ASTN1: variants seen among roughly 807,000 people sequenced by gnomAD.
ASTN1 encodes astrotactin 1.
A neutral mutation model predicts 140.7 loss-of-function variants in ASTN1; 41 were observed. That is an observed-to-expected ratio of 0.29 (90% CI 0.23 to 0.38). The LOEUF is 0.38. Among genes scored for constraint, ASTN1 ranks in the 10% least tolerant of loss-of-function variants. The pLI is 1.00. For synonymous variants in ASTN1, 640 were observed against 652.2 expected (o/e 0.98, Z 0.29); for missense variants, 1,479 against 1,678.8 (o/e 0.88, Z 2.08).
At chr1:176,968,997 T>C (rs227988) in intron 8 of ASTN1, among the ~76,000 whole-genome samples, 119,338 of 152,066 alleles carry the variant, frequency 0.78, 47,221 homozygotes, top group East Asian at 0.89. Flanking sequence ...TAGAAAGCCA[T>C]AGATGGCCAT....
intron 1 of ASTN1, among the ~76,000 whole-genome samples, chr1:177,067,235 C>A (rs1226367961): frequency 6.6e-6 from 1 of 151,982 alleles, no homozygotes; most frequent in African/African-American, 2.4e-5. Context: ...CTTATAACCT[C>A]TATGAAAGAA....
intron 1 of ASTN1, among the ~76,000 whole-genome samples, chr1:177,139,160 G>A (rs1682342335): frequency 6.6e-6 from 1 of 152,114 alleles, no homozygotes; most frequent in Non-Finnish European, 1.5e-5. Context: ...ATCTAAGGAA[G>A]ACAAGGGTGC....
chr1:176,915,458 C>A (rs780408233), intron 16 of ASTN1, among the ~76,000 whole-genome samples: 26 of 152,214 alleles, frequency 1.7e-4, no homozygotes, highest in Non-Finnish European at 3.2e-4. Flanking sequence ...CAAAAGCAGA[C>A]TTTCCCAGCA....
At chr1:177,127,547 T>C (rs1305669158) in intron 1 of ASTN1, among the ~76,000 whole-genome samples, 10 of 152,178 alleles carry the variant, frequency 6.6e-5, no homozygotes, top group African/African-American at 2.4e-4. Flanking sequence ...CCATGCTATC[T>C]TTCCACTCTG....
intron 1 of ASTN1, among the ~76,000 whole-genome samples, chr1:177,145,854 G>T (rs1255943023): frequency 2.0e-5 from 3 of 152,116 alleles, no homozygotes; most frequent in African/African-American, 7.2e-5. Flanking sequence ...GGAATATCAG[G>T]GTCAGTTCCC....
intron 16 of ASTN1, among the ~76,000 whole-genome samples, chr1:176,932,083 T>A (rs183725012): frequency 6.6e-6 from 1 of 152,222 alleles, no homozygotes; most frequent in African/African-American, 2.4e-5. Context: ...CTTTTTCCAT[T>A]TCATTTCACA....
intron 17 of ASTN1, among the ~76,000 whole-genome samples, chr1:176,892,667 C>T (rs749130977): frequency 6.6e-6 from 1 of 152,122 alleles, no homozygotes; most frequent in Non-Finnish European, 1.5e-5. Context: ...TTATTTAGTC[C>T]GACAGGAGGA....
At chr1:177,064,126 T>C (rs1330086569) in intron 1 of ASTN1, among the ~76,000 whole-genome samples, 1 of 152,168 alleles carries the variant, frequency 6.6e-6, no homozygotes, top group Non-Finnish European at 1.5e-5. Flanking sequence ...CAAAGGCTGA[T>C]GTGGATGAAC....
intron 1 of ASTN1, among the ~76,000 whole-genome samples, chr1:177,079,242 A>T (rs1679066141): frequency 6.6e-6 from 1 of 152,014 alleles, no homozygotes; most frequent in African/African-American, 2.4e-5. Flanking sequence ...TGTCTGAGAG[A>T]GTGTTCTGAC....
chr1:176,933,583 C>T (rs2103090615), intron 16 of ASTN1, among the ~76,000 whole-genome samples: 1 of 152,306 alleles, frequency 6.6e-6, no homozygotes, highest in South Asian at 2.1e-4. Flanking sequence ...TGAATACTAA[C>T]TTGCTGTCAA....
Position 177,029,188 on chromosome 1 carries a change from C to T in ASTN1, c.1120+446G>A, listed in dbSNP as rs73045470. 9.7e-3 allele frequency among the ~76,000 whole-genome samples: 1,478 copies of T among 152,290 alleles called. 35 individuals are homozygous for T. The highest frequency in any genetic ancestry group is 0.034 in the African/African-American group (1,393 of 41,556). On this transcript the variant is annotated intron_variant, in intron 5 of 22. Coordinates refer to ENST00000361833, the MANE Select transcript of ASTN1 (RefSeq NM_004319.3). ...AAGACAATTACACAGATTTTCAGGC[C>T]ATAGATCATTCCTCAACTACACTGC...
At chr1:176,859,795 A>C (rs1056503945), downstream of ASTN1, among the ~76,000 whole-genome samples, 2 of 152,240 alleles carry the variant, frequency 1.3e-5, no homozygotes, top group Non-Finnish European at 2.9e-5. Context: ...ACAAACAAGC[A>C]AACAAACAAA....
At chr1:177,078,847 G>C (rs531925678) in intron 1 of ASTN1, among the ~76,000 whole-genome samples, 1 of 152,190 alleles carries the variant, frequency 6.6e-6, no homozygotes, top group South Asian at 2.1e-4. Context: ...CAGCAATAAT[G>C]AGGAAGGAAA....
chr1:177,026,245 T>C (rs929936843), intron 5 of ASTN1, among the ~76,000 whole-genome samples: 3 of 152,148 alleles, frequency 2.0e-5, no homozygotes, highest in African/African-American at 7.2e-5. Flanking sequence ...TATCCTTTCA[T>C]AATACAGTCT....
At chr1:177,002,240 G>GT (rs1235456482) in intron 8 of ASTN1, among the ~76,000 whole-genome samples, 2 of 152,140 alleles carry the variant, frequency 1.3e-5, no homozygotes, top group Non-Finnish European at 2.9e-5. Flanking sequence ...GAAGGAAAAA[G>GT]TCACCCCAAT....
At chr1:177,089,737 C>G (rs983636056) in intron 1 of ASTN1, among the ~76,000 whole-genome samples, 1 of 152,124 alleles carries the variant, frequency 6.6e-6, no homozygotes, top group Non-Finnish European at 1.5e-5. Context: ...TACTGTCAGG[C>G]ATGCTGGGTC....
chr1:177,014,665 C>T (rs1333001874), intron 8 of ASTN1, 126 bp downstream of exon 8: 16 of 754,292 alleles, frequency 2.1e-5, no homozygotes, highest in Non-Finnish European at 3.3e-5. Flanking sequence ...GACATTTTTA[C>T]CCATTTGCTG....
In ASTN1 at chr1:177,144,150, A is replaced by ATT. The variant is rs11389941; in HGVS notation, c.283+20242_283+20243dup. Among the ~76,000 whole-genome samples, 195 of 139,582 alleles carry ATT rather than the reference A, an allele frequency of 1.4e-3. 1 individual carries two copies. Among genetic ancestry groups the ATT allele is most frequent in the East Asian group, 3.6e-3 (17 of 4,784 alleles). The allele number at this position is 139,582 out of a possible 152,430, so 91.6% of individuals were successfully genotyped here. ...ATGTCATAAGAGATTCTGGAACATGATTTTTTTTTTTTTTTCCTGCCAGGT... is the reference window on the plus strand; with the variant it reads ...ATGTCATAAGAGATTCTGGAACATGATTTTTTTTTTTTTTTTTCCTGCCAGGT... On this transcript the variant is annotated intron_variant, in intron 1 of 22. Coordinates refer to ENST00000361833, the MANE Select transcript of ASTN1 (RefSeq NM_004319.3).
chr1:177,128,490 T>A (rs1299851965), intron 1 of ASTN1, among the ~76,000 whole-genome samples: 2 of 152,218 alleles, frequency 1.3e-5, no homozygotes, highest in Non-Finnish European at 2.9e-5. Context: ...CTCACAATTT[T>A]AAAAATATTC....
Sources: allele counts gnomAD v4.1 joint callset (sites outside exome capture counted in the v4.1 genomes callset), GRCh38; gene constraint gnomAD v4.1.1; transcripts MANE v1.5; gene names NCBI Gene and HGNC (gene_info 2026-07-23, HGNC 2026-07-21).